The following GTF2F2 variants were observed in gnomAD, a reference collection of about 807,000 sequenced individuals.
GTF2F2 encodes the protein general transcription factor IIF subunit 2, also known as ATP-dependent helicase GTF2F2.
A neutral mutation model predicts 42.2 loss-of-function variants in GTF2F2; 23 were observed. The observed-to-expected ratio is 0.55, with a 90% CI of 0.39 to 0.77. The LOEUF (loss-of-function observed/expected upper bound fraction) is 0.77. GTF2F2 is among the 30% of genes least tolerant of loss of function. The pLI is 0.00. For synonymous variants in GTF2F2, 105 were observed against 100.8 expected, an observed-to-expected ratio of 1.04 and a Z score of -0.25; for missense variants, 261 against 287.2, an observed-to-expected ratio of 0.91 and a Z score of 0.66.
intron 7 of GTF2F2, among the ~76,000 whole-genome samples, chr13:45,277,700 C>G (rs576758822): frequency 6.6e-6 from 1 of 152,298 alleles, no homozygotes; most frequent in South Asian, 2.1e-4. Context: ...GTTGATATCT[C>G]TTAAAGGAGT....
chr13:45,167,691 G>T (rs1480697872), intron 4 of GTF2F2, among the ~76,000 whole-genome samples: 1 of 152,058 alleles, frequency 6.6e-6, no homozygotes, highest in East Asian at 1.9e-4. Flanking sequence ...GAGCCACCGT[G>T]CCCGGCCCCC....
chr13:45,146,521 A>C (rs114445558), intron 2 of GTF2F2, among the ~76,000 whole-genome samples: 2,605 of 152,192 alleles, frequency 0.017, 73 homozygotes, highest in African/African-American at 0.06. Flanking sequence ...AAACAAAACC[A>C]ACAAGAGCCA....
chr13:45,184,418 T>G (rs939180213), intron 4 of GTF2F2, among the ~76,000 whole-genome samples: 6 of 149,044 alleles, frequency 4.0e-5, no homozygotes, highest in Non-Finnish European at 7.4e-5. Flanking sequence ...AGACAGGGTC[T>G]TGCTCTGTCA....
At chr13:45,136,623 AATG>A in intron 1 of GTF2F2, 107 bp from the exon 2 acceptor site, 1 of 629,000 alleles carries the variant, frequency 1.6e-6, no homozygotes. Context: ...GTAACTTGAT[AATG>A]ATCCCTTATT....
At chr13:45,216,563 C>T (rs1012424725) in intron 5 of GTF2F2, among the ~76,000 whole-genome samples, 1 of 152,096 alleles carries the variant, frequency 6.6e-6, no homozygotes. Context: ...GTCACCCAGG[C>T]TGGAGTGCAG....
At chr13:45,149,102 A>G (rs1015172511) in intron 2 of GTF2F2, among the ~76,000 whole-genome samples, 6 of 152,096 alleles carry the variant, frequency 3.9e-5, no homozygotes, top group Non-Finnish European at 7.3e-5. Context: ...GGTATTATAT[A>G]TGTATTAACA....
At chr13:45,173,250 C>T (rs1871685096) in intron 4 of GTF2F2, among the ~76,000 whole-genome samples, 1 of 152,004 alleles carries the variant, frequency 6.6e-6, no homozygotes. Flanking sequence ...ACCCTTTACT[C>T]AGTTTTCCTC....
intron 7 of GTF2F2, among the ~76,000 whole-genome samples, chr13:45,275,157 C>A (rs1366348893): frequency 2.0e-5 from 3 of 152,086 alleles, no homozygotes; most frequent in Non-Finnish European, 4.4e-5. Flanking sequence ...CACCTGGCTT[C>A]TTTAACTTAG....
intron 7 of GTF2F2, among the ~76,000 whole-genome samples, chr13:45,274,636 A>G (rs1876950183): frequency 6.6e-6 from 1 of 152,028 alleles, no homozygotes; most frequent in Non-Finnish European, 1.5e-5. Context: ...ACCAAATTAT[A>G]CTTTCTTAAA....
chr13:45,132,804 G>A (rs1383061629), intron 1 of GTF2F2, among the ~76,000 whole-genome samples: 2 of 150,496 alleles, frequency 1.3e-5, no homozygotes, highest in African/African-American at 4.9e-5. Flanking sequence ...AGGAAGTCAG[G>A]TCAGCACAGA....
intron 1 of GTF2F2, among the ~76,000 whole-genome samples, chr13:45,124,888 C>G (rs1258853079): frequency 2.0e-5 from 3 of 152,124 alleles, no homozygotes; most frequent in Non-Finnish European, 4.4e-5. Flanking sequence ...CCATGTTGGC[C>G]AAGGTGGTCT....
At chr13:45,221,179 G>A (rs572151304) in intron 5 of GTF2F2, among the ~76,000 whole-genome samples, 1 of 152,094 alleles carries the variant, frequency 6.6e-6, no homozygotes, top group Non-Finnish European at 1.5e-5. Context: ...CCTGCCCCCA[G>A]TCTTACCCAT....
intron 7 of GTF2F2, among the ~76,000 whole-genome samples, chr13:45,278,201 A>T (rs1455017440): frequency 1.3e-5 from 2 of 152,188 alleles, no homozygotes; most frequent in African/African-American, 4.8e-5. Flanking sequence ...CCTTATGACT[A>T]TAGGTTTGTC....
At chr13:45,159,400 C>CT (rs1158743614) in intron 4 of GTF2F2, among the ~76,000 whole-genome samples, 1 of 152,068 alleles carries the variant, frequency 6.6e-6, no homozygotes, top group Admixed American at 6.5e-5. Context: ...TTCTTTCTTT[C>CT]TTTTTTTTGA....
chr13:45,126,747 C>A (rs991162655), intron 1 of GTF2F2, among the ~76,000 whole-genome samples: 1 of 152,200 alleles, frequency 6.6e-6, no homozygotes, highest in Non-Finnish European at 1.5e-5. Flanking sequence ...TTAACGAAAA[C>A]AATTATTTTC....
At chr13:45,185,276 A>C (rs950439877) in intron 4 of GTF2F2, among the ~76,000 whole-genome samples, 1 of 152,170 alleles carries the variant, frequency 6.6e-6, no homozygotes, top group Non-Finnish European at 1.5e-5. Flanking sequence ...TTTCCTTAAG[A>C]CACAAAGAAA....
intron 5 of GTF2F2, among the ~76,000 whole-genome samples, chr13:45,243,514 C>G (rs547825132): frequency 1.8e-4 from 27 of 152,332 alleles, no homozygotes; most frequent in African/African-American, 6.3e-4. Flanking sequence ...TTCCACAAAA[C>G]CAGTCCCTGG....
chr13:45,222,800 A>T (rs576053071), intron 5 of GTF2F2, among the ~76,000 whole-genome samples: 1 of 152,306 alleles, frequency 6.6e-6, no homozygotes, highest in Admixed American at 6.5e-5. Context: ...CATCCTGTGT[A>T]GTTTCAAAAA....
chr13:45,175,159 GT>G (rs1871812765), intron 4 of GTF2F2, among the ~76,000 whole-genome samples: 1 of 152,054 alleles, frequency 6.6e-6, no homozygotes, highest in Admixed American at 6.6e-5. Flanking sequence ...GAAATCAACT[GT>G]TTTAGCTTTC....
Sources: gnomAD v4.1 joint callset for allele counts (sites outside exome capture counted in the v4.1 genomes callset) on GRCh38, gnomAD v4.1.1 for gene constraint, MANE v1.5 for transcripts, NCBI Gene and HGNC (gene_info 2026-07-23, HGNC 2026-07-21) for gene names.